ADD2: variants seen among roughly 807,000 people sequenced by gnomAD.
The protein encoded by ADD2 is beta-adducin.
A neutral mutation model predicts 83.0 loss-of-function variants in ADD2; 23 were observed. The observed-to-expected ratio is 0.28, with a 90% CI of 0.20 to 0.39. The LOEUF is 0.39. ADD2 is among the 10% of genes least tolerant of loss of function. ADD2 has a pLI of 1.00. For missense variants in ADD2, 758 were observed against 944.9 expected, an observed-to-expected ratio of 0.80 and a Z score of 2.59; for synonymous variants, 375 against 375.4, an observed-to-expected ratio of 1.00 and a Z score of 0.01.
At chr2:70,693,935 G>C (rs1375322117) in intron 6 of ADD2, among the ~76,000 whole-genome samples, 6 of 152,180 alleles carry the variant, frequency 3.9e-5, no homozygotes, top group Non-Finnish European at 7.3e-5. Flanking sequence ...GGACAGCCCA[G>C]GGACATAGGG....
At chr2:70,719,952 C>T (rs782008216) in intron 1 of ADD2, among the ~76,000 whole-genome samples, 5 of 152,100 alleles carry the variant, frequency 3.3e-5, no homozygotes, top group South Asian at 4.2e-4. Flanking sequence ...CATCCCCAAC[C>T]ACCCCCCACC....
At chr2:70,740,294 C>A (rs1673817044) in intron 1 of ADD2, among the ~76,000 whole-genome samples, 1 of 152,022 alleles carries the variant, frequency 6.6e-6, no homozygotes, top group Non-Finnish European at 1.5e-5. Context: ...ATAACAGGAT[C>A]ATAATAATAA....
At chr2:70,668,587 G>A (rs1669776325) in intron 15 of ADD2, among the ~76,000 whole-genome samples, 1 of 152,190 alleles carries the variant, frequency 6.6e-6, no homozygotes, top group Non-Finnish European at 1.5e-5. Flanking sequence ...GTGACAACAT[G>A]TTCAAGCCAT....
intron 1 of ADD2, among the ~76,000 whole-genome samples, chr2:70,730,730 G>C (rs1673238105): frequency 6.6e-6 from 1 of 152,236 alleles, no homozygotes; most frequent in Admixed American, 6.5e-5. Context: ...CCACATATGT[G>C]ATGGTGGTCC....
intron 1 of ADD2, among the ~76,000 whole-genome samples, chr2:70,725,551 C>G (rs1672947111): frequency 6.6e-6 from 1 of 152,036 alleles, no homozygotes; most frequent in African/African-American, 2.4e-5. Context: ...GCCCTAAATC[C>G]CTTCACAAGT....
At chr2:70,762,588 TTA>T (rs1325629286) in intron 1 of ADD2, among the ~76,000 whole-genome samples, 1 of 150,254 alleles carries the variant, frequency 6.7e-6, no homozygotes, top group African/African-American at 2.4e-5. Flanking sequence ...AAATACATGT[TTA>T]TATATATAAT....
chr2:70,664,398 G>A (rs1675672315), intron 15 of ADD2, among the ~76,000 whole-genome samples: 1 of 152,140 alleles, frequency 6.6e-6, no homozygotes, highest in Non-Finnish European at 1.5e-5. Flanking sequence ...GAATGTTCAA[G>A]GCCAGAGTTA....
In ADD2 at chr2:70,676,135, T is replaced by C. The variant is rs1319256299; in HGVS notation, c.1593+661A>G. 1 of 985,366 alleles carries C rather than the reference T, an allele frequency of 1.0e-6. No individual in the cohort carries two copies. Among genetic ancestry groups the C allele is most frequent in the Non-Finnish European group, 1.2e-6 (1 of 829,962 alleles). 61.0% of individuals were successfully genotyped at this position (985,366 alleles called of 1,614,324 possible). On this transcript the variant is annotated intron_variant, in intron 13 of 15. Transcript: ENST00000264436. This position sits in a 1 kb window ranked among gnomAD's most constrained non-coding sequence, Gnocchi z 4.8. ...CCAATTTTTACTGCTAAGGAAAATG[T>C]CATGCCCATTGCTACCTTGCAAGGA...
intron 9 of ADD2, among the ~76,000 whole-genome samples, chr2:70,686,041 G>A (rs1303456907): frequency 1.3e-5 from 2 of 152,190 alleles, no homozygotes; most frequent in African/African-American, 4.8e-5. Context: ...CCACAGCCAC[G>A]TTCGCTTGTT....
chr2:70,731,330 T>C (rs1194368016), intron 1 of ADD2, among the ~76,000 whole-genome samples: 2 of 152,190 alleles, frequency 1.3e-5, no homozygotes, highest in African/African-American at 2.4e-5. Flanking sequence ...TCAGGATTGC[T>C]TCCTCTTTAG....
intron 1 of ADD2, among the ~76,000 whole-genome samples, chr2:70,756,183 A>G (rs115504000): frequency 1.3e-5 from 2 of 152,120 alleles, no homozygotes; most frequent in Non-Finnish European, 2.9e-5. Context: ...TCCTCCCCCA[A>G]CATACAGCGG....
At chr2:70,731,276 T>A (rs1553379249) in intron 1 of ADD2, among the ~76,000 whole-genome samples, 1 of 151,866 alleles carries the variant, frequency 6.6e-6, no homozygotes, top group African/African-American at 2.4e-5. Flanking sequence ...TACACAGGAC[T>A]ACCCTGCCTG....
intron 1 of ADD2, among the ~76,000 whole-genome samples, chr2:70,724,732 G>A (rs7581798): frequency 0.044 from 6,746 of 152,334 alleles, 488 homozygotes; most frequent in African/African-American, 0.15. Context: ...CTGACGCAGA[G>A]GCGAGGCACT....
rs192927487 is a variant in ADD2 at position 70,702,808 on chromosome 2, G to A, written c.322+1513C>T. ...TACACTAATAGGAAAATAGGCAAAG[G>A]ATGTAAAAAGGCAATTTACTATAAA... On this transcript the variant is annotated intron_variant, in intron 4 of 15. Coordinates refer to ENST00000264436, the MANE Select transcript of ADD2 (RefSeq NM_001617.4). 2.6e-5 allele frequency among the ~76,000 whole-genome samples: 4 copies of A among 152,106 alleles called. No homozygotes were observed. The South Asian group carries it at 6.2e-4, about 24-fold the overall frequency.
intron 4 of ADD2, among the ~76,000 whole-genome samples, chr2:70,697,537 A>G (rs1671371931): frequency 6.6e-6 from 1 of 152,092 alleles, no homozygotes; most frequent in Non-Finnish European, 1.5e-5. Flanking sequence ...AAGAGAATCA[A>G]TAGGAAAGGT....
intron 2 of ADD2, among the ~76,000 whole-genome samples, chr2:70,707,445 A>G (rs549316704): frequency 1.9e-4 from 29 of 152,364 alleles, no homozygotes; most frequent in African/African-American, 6.5e-4. Flanking sequence ...TCTAATCAAG[A>G]ATACTTTTTA....
At chr2:70,678,032 G>A (rs1183640708) in intron 11 of ADD2, among the ~76,000 whole-genome samples, 155 bp from the exon 12 acceptor site, 18 of 152,164 alleles carry the variant, frequency 1.2e-4, no homozygotes, top group African/African-American at 4.1e-4. Flanking sequence ...TTTGATGTCT[G>A]TCTCCAGGAG....
rs547215588 is a variant in ADD2, at chr2:70,748,578, C to T, written c.-154+19308G>A. ...GGGAATGGAGACTTGCTCTTTGGCT[C>T]CCCTGGTGATTAGAACGTGTGACCA... On this transcript the variant is annotated intron_variant, in intron 1 of 15. Coordinates refer to ENST00000264436, the MANE Select transcript of ADD2 (RefSeq NM_001617.4). 1.9e-4 allele frequency among the ~76,000 whole-genome samples: 29 copies of T among 152,228 alleles called. No individual in the cohort carries two copies. In the South Asian group the frequency reaches 4.1e-3, roughly 22 times the overall value.
intron 9 of ADD2, among the ~76,000 whole-genome samples, chr2:70,684,205 T>C (rs782585883): frequency 6.6e-6 from 1 of 152,202 alleles, no homozygotes; most frequent in African/African-American, 2.4e-5. Context: ...TGGGTGTCTA[T>C]TATGTTAGTC....
Sources: gnomAD v4.1 joint callset for allele counts (sites outside exome capture counted in the v4.1 genomes callset) on GRCh38, gnomAD v4.1.1 for gene constraint, Gnocchi (gnomAD v3.1) non-coding constraint, MANE v1.5 for transcripts, NCBI Gene and HGNC (gene_info 2026-07-23, HGNC 2026-07-21) for gene names.